The following PAK5 variants were observed in gnomAD, a reference collection of about 807,000 sequenced individuals.
PAK5 encodes p21 (RAC1) activated kinase 5, also known as serine/threonine-protein kinase PAK 5.
In PAK5, 16 loss-of-function variants were observed where a neutral mutation model predicts 65.9. The observed-to-expected ratio is 0.24, with a 90% CI of 0.16 to 0.37. The LOEUF is 0.37. PAK5 is among the 10% of genes least tolerant of loss of function. PAK5 has a pLI of 1.00. For synonymous variants in PAK5, 371 were observed against 354.9 expected, an observed-to-expected ratio of 1.05 and a Z score of -0.51; for missense variants, 785 against 903.9, an observed-to-expected ratio of 0.87 and a Z score of 1.69.
intron 2 of PAK5, among the ~76,000 whole-genome samples, chr20:9,673,280 G>T (rs949979880): frequency 1.3e-5 from 2 of 151,876 alleles, no homozygotes; most frequent in Non-Finnish European, 2.9e-5. Context: ...GAAAAAAAAA[G>T]AATTAAAAAA....
At chr20:9,635,301 G>C (rs989854842) in intron 3 of PAK5, among the ~76,000 whole-genome samples, 1 of 152,148 alleles carries the variant, frequency 6.6e-6, no homozygotes, top group African/African-American at 2.4e-5. Context: ...CATTGGGTCT[G>C]ACCCTTAAAT....
At chr20:9,548,269 T>C (rs891115467) in intron 7 of PAK5, among the ~76,000 whole-genome samples, 3 of 152,176 alleles carry the variant, frequency 2.0e-5, no homozygotes, top group Non-Finnish European at 2.9e-5. Context: ...TGAGTTTTTT[T>C]GATGATTTTT....
At chr20:9,720,311 T>C (rs1019663356) in intron 1 of PAK5, among the ~76,000 whole-genome samples, 1 of 152,170 alleles carries the variant, frequency 6.6e-6, no homozygotes, top group Non-Finnish European at 1.5e-5. Context: ...ATCCCAATAA[T>C]ACTGGAAGGA....
intron 1 of PAK5, among the ~76,000 whole-genome samples, chr20:9,777,992 T>A (rs1337210370): frequency 6.6e-6 from 1 of 152,186 alleles, no homozygotes; most frequent in East Asian, 1.9e-4. Context: ...AATGAGGAAA[T>A]GCCTGGCTGG....
In PAK5 at chr20:9,823,856, A is replaced by G. The variant is rs200058795; in HGVS notation, c.-162+14906T>C. ...AACTAAAATAGAGGAAGTTAAAGGAATTACACTTAGAACTTGAGAAAATAC... is the reference window on the plus strand; with the variant it reads ...AACTAAAATAGAGGAAGTTAAAGGAGTTACACTTAGAACTTGAGAAAATAC... On this transcript the variant is annotated intron_variant, in intron 1 of 9. Coordinates refer to ENST00000353224, the MANE Select transcript of PAK5 (RefSeq NM_177990.4). 3.3e-5 allele frequency among the ~76,000 whole-genome samples: 5 copies of G among 152,200 alleles called. No homozygotes were observed. The East Asian group carries it at 9.7e-4, about 29-fold the overall frequency.
At chr20:9,618,478 C>T (rs2046702976) in intron 3 of PAK5, among the ~76,000 whole-genome samples, 1 of 148,412 alleles carries the variant, frequency 6.7e-6, no homozygotes. Context: ...ACAATCTTGG[C>T]TCACTGCAAC....
rs1007355098 is a variant in PAK5 at position 9,786,466 on chromosome 20, TC to T, written c.-162+52295del. Among the ~76,000 whole-genome samples, 35 of 152,204 alleles carry T rather than the reference TC, an allele frequency of 2.3e-4. 1 individual carries two copies. Among genetic ancestry groups the T allele is most frequent in the African/African-American group, 7.7e-4 (32 of 41,548 alleles). The stretch of plus-strand genomic sequence containing the variant: ...CCTTGATCCAGGAGAGCAAACACTT[TC>T]CCCTTTCTCAAAGCCCTACTCACTC... On this transcript the variant is annotated intron_variant, in intron 1 of 9. Transcript: ENST00000353224.
intron 1 of PAK5, among the ~76,000 whole-genome samples, chr20:9,734,124 T>G (rs1310267289): frequency 6.6e-6 from 1 of 152,206 alleles, no homozygotes; most frequent in African/African-American, 2.4e-5. Context: ...TCCTGTTAAC[T>G]CTACTGTGGG....
chr20:9,702,131 TAAAC>T (rs1231143321), intron 2 of PAK5, among the ~76,000 whole-genome samples: 1 of 151,994 alleles, frequency 6.6e-6, no homozygotes, highest in Non-Finnish European at 1.5e-5. Context: ...ATTTAGGAAT[TAAAC>T]TAATGAAAAT....
At chr20:9,631,890 A>T (rs1302498436) in intron 3 of PAK5, among the ~76,000 whole-genome samples, 1 of 152,210 alleles carries the variant, frequency 6.6e-6, no homozygotes, top group African/African-American at 2.4e-5. Flanking sequence ...CATCAGTATA[A>T]AGTTGACAGC....
In PAK5 at chr20:9,678,832, T is replaced by C. The variant is rs140837998; in HGVS notation, c.-12+32454A>G. Among the ~76,000 whole-genome samples the C allele has an allele frequency of 9.5e-3, 1,449 of 152,202 alleles. 25 individuals carry two copies. The highest frequency in any genetic ancestry group is 0.033 in the African/African-American group (1,365 of 41,534). On this transcript the variant is annotated intron_variant, in intron 2 of 9. Coordinates refer to ENST00000353224, the MANE Select transcript of PAK5 (RefSeq NM_177990.4). ...GAGGTCACCGCCCCCATGATTAAAT[T>C]ACCTCCCACTGGGTCCCTCCCACGA...
chr20:9,782,935 T>TG (rs1208196199), intron 1 of PAK5, among the ~76,000 whole-genome samples: 1 of 150,012 alleles, frequency 6.7e-6, no homozygotes, highest in Non-Finnish European at 1.5e-5. Flanking sequence ...TTTTTTTTTT[T>TG]TCTTTTTTTT....
chr20:9,767,569 C>G (rs1214294265), intron 1 of PAK5, among the ~76,000 whole-genome samples: 2 of 152,160 alleles, frequency 1.3e-5, no homozygotes, highest in Non-Finnish European at 2.9e-5. Flanking sequence ...TCTCTAGTAT[C>G]TAAAACTGAG....
chr20:9,749,091 T>G (rs887967451), intron 1 of PAK5, among the ~76,000 whole-genome samples: 6 of 152,182 alleles, frequency 3.9e-5, no homozygotes, highest in Admixed American at 2.6e-4. Flanking sequence ...TTTATTTGTA[T>G]GAATAATATG....
At chr20:9,811,487 A>G (rs2049297735) in intron 1 of PAK5, among the ~76,000 whole-genome samples, 1 of 152,218 alleles carries the variant, frequency 6.6e-6, no homozygotes, top group African/African-American at 2.4e-5. Context: ...CTAATAATAC[A>G]GAGTGAGAAC....
intron 1 of PAK5, among the ~76,000 whole-genome samples, chr20:9,721,598 A>G (rs1031020593): frequency 7.4e-6 from 1 of 135,950 alleles, no homozygotes; most frequent in African/African-American, 2.8e-5. Context: ...GGTTGCAGTG[A>G]GTTAAGAACG....
At chr20:9,641,950 C>T (rs7273516) in intron 3 of PAK5, among the ~76,000 whole-genome samples, 36 of 151,946 alleles carry the variant, frequency 2.4e-4, no homozygotes, top group African/African-American at 7.9e-4. Flanking sequence ...CATGCAGCCC[C>T]GGTTCCCACT....
chr20:9,690,321 T>G (rs1278129493), intron 2 of PAK5, among the ~76,000 whole-genome samples: 1 of 152,196 alleles, frequency 6.6e-6, no homozygotes, highest in African/African-American at 2.4e-5. Flanking sequence ...TAGCTTTTGA[T>G]GAAAATCAGC....
At chr20:9,599,322 A>G (rs1201782842) in intron 3 of PAK5, among the ~76,000 whole-genome samples, 1 of 152,210 alleles carries the variant, frequency 6.6e-6, no homozygotes, top group Non-Finnish European at 1.5e-5. Context: ...GTGAACATTG[A>G]TATACAATAA....
Sources: allele counts gnomAD v4.1 joint callset (sites outside exome capture counted in the v4.1 genomes callset), GRCh38; gene constraint gnomAD v4.1.1; transcripts MANE v1.5; gene names NCBI Gene and HGNC (gene_info 2026-07-23, HGNC 2026-07-21).